Variants in FAM135B observed in about 807,000 individuals in gnomAD.
FAM135B encodes the protein family with sequence similarity 135 member B.
FAM135B carries 43 observed loss-of-function variants against 127.7 expected under a neutral mutation model. That is an observed-to-expected ratio of 0.34 (90% CI 0.26 to 0.43). The LOEUF (loss-of-function observed/expected upper bound fraction) is 0.43. Among genes scored for constraint, FAM135B ranks in the 20% least tolerant of loss-of-function variants. FAM135B has a pLI of 1.00. For missense variants in FAM135B, 1,558 were observed against 1,725.6 expected (o/e 0.90, Z 1.72); for synonymous variants, 670 against 665.1 (o/e 1.01, Z -0.11).
intron 7 of FAM135B, among the ~76,000 whole-genome samples, chr8:138,218,795 AGAGAGAGAGG>A (rs761058696): frequency 0.15 from 4,514 of 29,682 alleles, 138 homozygotes; most frequent in South Asian, 0.36. Context: ...AGAGAGAGAG[AGAGAGAGAGG>A]GAGAGAAAGA....
intron 1 of FAM135B, among the ~76,000 whole-genome samples, chr8:138,405,250 A>C (rs901991909): frequency 6.7e-6 from 1 of 148,596 alleles, no homozygotes; most frequent in African/African-American, 2.5e-5. Flanking sequence ...TTTAAGTTTT[A>C]GGGTACAAGT....
chr8:138,443,382 G>A (rs1198273701), intron 1 of FAM135B, among the ~76,000 whole-genome samples: 5 of 151,976 alleles, frequency 3.3e-5, no homozygotes, highest in Non-Finnish European at 7.4e-5. Context: ...AATATGATCT[G>A]AACTCTTGAA....
At chr8:138,245,827 A>G (rs1478628948) in intron 6 of FAM135B, among the ~76,000 whole-genome samples, 1 of 152,180 alleles carries the variant, frequency 6.6e-6, no homozygotes, top group Non-Finnish European at 1.5e-5. Flanking sequence ...GGAATTTCCT[A>G]GAAACTTGGA....
intron 1 of FAM135B, among the ~76,000 whole-genome samples, chr8:138,409,642 G>A (rs549530640): frequency 1.3e-4 from 20 of 152,172 alleles, no homozygotes; most frequent in South Asian, 8.3e-4. Flanking sequence ...TTGGGAGGCC[G>A]AGGTGGGTGG....
intron 1 of FAM135B, among the ~76,000 whole-genome samples, chr8:138,371,644 A>AT (rs1831129647): frequency 6.6e-6 from 1 of 151,942 alleles, no homozygotes; most frequent in Non-Finnish European, 1.5e-5. Context: ...GGGTAGACCA[A>AT]TTTTCCCCAG....
At chr8:138,207,216 C>CT (rs72229891) in intron 7 of FAM135B, among the ~76,000 whole-genome samples, 5,832 of 133,876 alleles carry the variant, frequency 0.044, 171 homozygotes, top group African/African-American at 0.062. Flanking sequence ...TGAAACAATA[C>CT]TTTTTTTTTT....
chr8:138,406,015 T>C (rs1833462546), intron 1 of FAM135B, among the ~76,000 whole-genome samples: 1 of 147,048 alleles, frequency 6.8e-6, no homozygotes, highest in Admixed American at 6.9e-5. Context: ...ATGTCTTCTT[T>C]TGAGAAGTGT....
intron 1 of FAM135B, among the ~76,000 whole-genome samples, chr8:138,417,327 A>G (rs1406924854): frequency 6.6e-6 from 1 of 152,098 alleles, no homozygotes; most frequent in East Asian, 1.9e-4. Flanking sequence ...CCTGCACCAT[A>G]GCTCTTTCAC....
intron 9 of FAM135B, among the ~76,000 whole-genome samples, chr8:138,190,468 A>G (rs963192955): frequency 1.3e-5 from 2 of 152,216 alleles, no homozygotes; most frequent in African/African-American, 4.8e-5. Context: ...AAATACCAAC[A>G]CAACAGACAG....
chr8:138,149,026 C>T lies in FAM135B; in HGVS notation c.3282-340G>A, dbSNP rs555211422. 4.6e-5 allele frequency among the ~76,000 whole-genome samples: 7 copies of T among 150,770 alleles called. No individual in the cohort carries two copies. The South Asian group carries it at 8.5e-4, about 18-fold the overall frequency. On this transcript the variant is annotated intron_variant, in intron 13 of 19. Coordinates refer to ENST00000395297, the MANE Select transcript of FAM135B (RefSeq NM_015912.4). Reference sequence around the variant, plus strand: ...GGATAGCATTAGGAGATATACCTAACGTAAATGACGAGTTAATGGGTGCAG... The same window carrying T: ...GGATAGCATTAGGAGATATACCTAATGTAAATGACGAGTTAATGGGTGCAG...
chr8:138,381,232 A>G (rs1171551550), intron 1 of FAM135B, among the ~76,000 whole-genome samples: 1 of 152,052 alleles, frequency 6.6e-6, no homozygotes, highest in Admixed American at 6.5e-5. Context: ...ACTACCACAA[A>G]CAAACCCTCT....
intron 7 of FAM135B, among the ~76,000 whole-genome samples, chr8:138,213,473 A>C (rs1818296139): frequency 6.6e-6 from 1 of 151,780 alleles, no homozygotes; most frequent in African/African-American, 2.4e-5. Flanking sequence ...AGGATGGCTA[A>C]ATTCCGTGTG....
chr8:138,168,560 C>T (rs995828189), intron 11 of FAM135B, among the ~76,000 whole-genome samples: 1 of 151,860 alleles, frequency 6.6e-6, no homozygotes, highest in Non-Finnish European at 1.5e-5. Context: ...TATAAATTTC[C>T]CTAGATCAAG....
At chr8:138,488,377 C>T (rs1472640265) in intron 1 of FAM135B, among the ~76,000 whole-genome samples, 2 of 151,590 alleles carry the variant, frequency 1.3e-5, no homozygotes, top group East Asian at 1.9e-4. Context: ...ACAAATAAAC[C>T]GATGCATCTC....
At chr8:138,209,332 C>T (rs1178265350) in intron 7 of FAM135B, among the ~76,000 whole-genome samples, 4 of 152,092 alleles carry the variant, frequency 2.6e-5, no homozygotes, top group African/African-American at 7.2e-5. Flanking sequence ...GCATTTAACA[C>T]GTAGGGGTAG....
At chr8:138,471,533 G>A in intron 1 of FAM135B, among the ~76,000 whole-genome samples, 1 of 152,108 alleles carries the variant, frequency 6.6e-6, no homozygotes, top group East Asian at 1.9e-4. Context: ...GAAACAGATG[G>A]ACAAAAGTAC....
chr8:138,469,222 AAG>A (rs1178804351), intron 1 of FAM135B, among the ~76,000 whole-genome samples: 1 of 151,130 alleles, frequency 6.6e-6, no homozygotes, highest in Non-Finnish European at 1.5e-5. Flanking sequence ...GAAAGAAAGA[AAG>A]AGAGAGAGAA....
At chr8:138,314,794 C>T (rs551168782) in intron 2 of FAM135B, among the ~76,000 whole-genome samples, 38 of 148,302 alleles carry the variant, frequency 2.6e-4, no homozygotes, top group African/African-American at 9.4e-4. Context: ...GTGGGAAAAT[C>T]ACTTGAGAAC....
chr8:138,383,209 G>A (rs1298740631), intron 1 of FAM135B, among the ~76,000 whole-genome samples: 1 of 152,212 alleles, frequency 6.6e-6, no homozygotes, highest in African/African-American at 2.4e-5. Flanking sequence ...ATGTCCAGGG[G>A]TACCCAGTGT....
Sources: gnomAD v4.1 joint callset for allele counts (sites outside exome capture counted in the v4.1 genomes callset) on GRCh38, gnomAD v4.1.1 for gene constraint, MANE v1.5 for transcripts, NCBI Gene and HGNC (gene_info 2026-07-23, HGNC 2026-07-21) for gene names.